NOTCH2: variants seen among roughly 807,000 people sequenced by gnomAD.
The protein encoded by NOTCH2 is notch receptor 2, also known as neurogenic locus notch homolog protein 2.
In NOTCH2, 29 loss-of-function variants were observed where a neutral mutation model predicts 235.8. The observed-to-expected ratio is 0.12, with a 90% CI of 0.09 to 0.17. NOTCH2 has a LOEUF of 0.17. NOTCH2 is among the 10% of genes least tolerant of loss of function. The pLI is 1.00. For synonymous variants in NOTCH2, 1,086 were observed against 1,141.5 expected, an observed-to-expected ratio of 0.95 and a Z score of 0.98; for missense variants, 2,285 against 3,150.2, an observed-to-expected ratio of 0.73 and a Z score of 6.57.
intron 1 of NOTCH2, among the ~76,000 whole-genome samples, chr1:120,038,011 C>T (rs1553212169): frequency 1.3e-5 from 2 of 151,980 alleles, no homozygotes; most frequent in Non-Finnish European, 2.9e-5. Flanking sequence ...TTTAAAAATT[C>T]CAATTTTGTT....
intron 22 of NOTCH2, among the ~76,000 whole-genome samples, chr1:119,931,034 T>G (rs112304416): frequency 0.033 from 4,683 of 139,938 alleles, 234 homozygotes; most frequent in African/African-American, 0.12. Flanking sequence ...ACCTGGGAGG[T>G]GGAGCTTGCA....
chr1:119,926,423 G>T, intron 24 of NOTCH2, 76 bp downstream of exon 24: 2 of 1,131,216 alleles, frequency 1.8e-6, no homozygotes, highest in Non-Finnish European at 2.6e-6. Flanking sequence ...GGTAAAACCA[G>T]GTTTAATCTC....
intron 15 of NOTCH2, among the ~76,000 whole-genome samples, chr1:119,949,543 C>T (rs374016828): frequency 1.2e-4 from 18 of 152,042 alleles, no homozygotes; most frequent in African/African-American, 4.1e-4. Context: ...CCCACCACGA[C>T]GCCCGGCTAA....
rs1553198234 is a variant in NOTCH2 at position 119,955,027 on chromosome 1, G to A, written c.2219+13C>T. ...AGGTCAATAAGAAACTATCACATGG[G>A]GCAGCTACTCACCCACTGAGACCTC... On this transcript the variant is annotated intron_variant, in intron 13 of 33. Transcript: ENST00000256646. The A allele has an allele frequency of 6.2e-7, 1 of 1,612,874 alleles. No individual in the cohort carries two copies. The highest frequency in any genetic ancestry group is 8.5e-7 in the Non-Finnish European group (1 of 1,179,630).
chr1:119,959,801 A>G (rs1189029576), intron 11 of NOTCH2, among the ~76,000 whole-genome samples: 1 of 152,246 alleles, frequency 6.6e-6, no homozygotes, highest in African/African-American at 2.4e-5. Flanking sequence ...TCAAGGCAGT[A>G]GAACCAGACT....
intron 4 of NOTCH2, chr1:119,994,467 C>G (rs1294663991): frequency 3.1e-5 from 4 of 131,044 alleles, no homozygotes; most frequent in Admixed American, 3.0e-4. Flanking sequence ...TTATGGGACC[C>G]TGAAAAGCAA....
At chr1:119,949,158 T>C (rs1557817497) in intron 15 of NOTCH2, 32 bp from the exon 16 acceptor site, 1 of 1,614,038 alleles carries the variant, frequency 6.2e-7, no homozygotes, top group African/African-American at 1.3e-5. Context: ...TTATGACAGA[T>C]AAACAGGTAA....
intron 28 of NOTCH2, among the ~76,000 whole-genome samples, 181 bp downstream of exon 28, chr1:119,922,055 C>T (rs1649303013): frequency 6.6e-6 from 1 of 152,158 alleles, no homozygotes; most frequent in Admixed American, 6.5e-5. Context: ...TGATAATATA[C>T]ACAGAATAGA....
At chr1:120,035,007 G>GA (rs1232011760) in intron 1 of NOTCH2, among the ~76,000 whole-genome samples, 1 of 152,060 alleles carries the variant, frequency 6.6e-6, no homozygotes. Context: ...TTTTAAATAA[G>GA]AAAAATGACA....
In NOTCH2 at chr1:119,937,858, T is replaced by A. The variant is rs1553195957; in HGVS notation, c.3336A>T (p.Arg1112Ser). ...TGAGCCCAAGGGAGCAAAGCTTACCTCTCCTGGAGGCTGCTATGTCACAAG... is the reference window on the plus strand; with the variant it reads ...TGAGCCCAAGGGAGCAAAGCTTACCACTCCTGGAGGCTGCTATGTCACAAG... The part of the protein sequence containing the change: ...NVSCDIAASR[R>S]GVLVEHLCQH... Residue 1112 changes from arginine (R) to serine (S), a missense_variant and splice_region_variant, in exon 20 of 34, where the codon AGA (arginine) becomes AGT (serine). Around this residue, in one of 6 missense-constraint regions of NOTCH2, gnomAD observed 1,173 missense variants for 1,515.3 expected, o/e 0.77. Transcript: ENST00000256646. 6.2e-7 allele frequency: 1 copy of A among 1,613,966 alleles called. No individual in the cohort carries two copies. Among genetic ancestry groups the A allele is most frequent in the Non-Finnish European group, 8.5e-7 (1 of 1,180,012 alleles).
At chr1:119,936,652 G>T (rs1649860586) in intron 21 of NOTCH2, among the ~76,000 whole-genome samples, 2 of 152,156 alleles carry the variant, frequency 1.3e-5, no homozygotes, top group Admixed American at 6.5e-5. Context: ...TATAACAATA[G>T]AGAAGCAAAG....
At chr1:119,945,214 A>T (rs1341125053) in intron 17 of NOTCH2, among the ~76,000 whole-genome samples, 2 of 152,158 alleles carry the variant, frequency 1.3e-5, no homozygotes, top group Non-Finnish European at 2.9e-5. Context: ...TGTAACCAAT[A>T]TGGTAGTGAA....
At chr1:119,969,814 A>G (rs1411173975) in intron 5 of NOTCH2, 70 bp from the exon 6 acceptor site, 1 of 1,312,966 alleles carries the variant, frequency 7.6e-7, no homozygotes, top group East Asian at 2.3e-5. Flanking sequence ...CCAGCCCCCC[A>G]CACTCTTCAT....
At chr1:119,988,705 A>AT (rs1652113535) in intron 4 of NOTCH2, among the ~76,000 whole-genome samples, 1 of 152,116 alleles carries the variant, frequency 6.6e-6, no homozygotes. Context: ...GTTGGGGAAA[A>AT]TGGGGCCCCT....
chr1:119,957,730 C>T (rs973515368), intron 12 of NOTCH2, among the ~76,000 whole-genome samples: 7 of 151,964 alleles, frequency 4.6e-5, no homozygotes, highest in African/African-American at 1.7e-4. Flanking sequence ...AGCCTATGTT[C>T]TCCCTTCTTG....
chr1:119,962,871 G>C (rs1270558217), intron 11 of NOTCH2, among the ~76,000 whole-genome samples: 1 of 152,194 alleles, frequency 6.6e-6, no homozygotes, highest in Non-Finnish European at 1.5e-5. Flanking sequence ...AAACCTGTGA[G>C]ATGCTGCTGC....
chr1:120,015,912 A>G (rs77638120), intron 2 of NOTCH2, among the ~76,000 whole-genome samples: 6,811 of 120,480 alleles, frequency 0.057, 307 homozygotes, highest in Non-Finnish European at 0.087. Flanking sequence ...CTGTCATACT[A>G]CTTCTTGCCA....
At chr1:119,917,620 G>T in intron 33 of NOTCH2, 45 bp downstream of exon 33, 1 of 1,200,126 alleles carries the variant, frequency 8.3e-7, no homozygotes, top group Non-Finnish European at 1.2e-6. Flanking sequence ...TTATAACTGA[G>T]GCACTGCTAT....
chr1:119,948,384 G>A (rs1186599901), intron 17 of NOTCH2, 30 bp downstream of exon 17: 2 of 1,613,072 alleles, frequency 1.2e-6, no homozygotes, highest in East Asian at 2.2e-5. Flanking sequence ...CCTCTCCTCT[G>A]GGGGCTTAAG....
Sources: gnomAD v4.1 joint callset for allele counts (sites outside exome capture counted in the v4.1 genomes callset) on GRCh38, gnomAD v4.1.1 for gene constraint, gnomAD v4.1.1 regional missense constraint, MANE v1.5 for transcripts, NCBI Gene and HGNC (gene_info 2026-07-23, HGNC 2026-07-21) for gene names.